The following BMP2K variants were observed in gnomAD, a reference collection of about 807,000 sequenced individuals.
The protein encoded by BMP2K is BMP2 inducible kinase.
Under a neutral mutation model 116.0 loss-of-function variants are expected in BMP2K, and 74 were observed. The observed-to-expected ratio is 0.64, with a 90% CI of 0.53 to 0.77. BMP2K has a LOEUF of 0.77. Among genes scored for constraint, BMP2K ranks in the 30% least tolerant of loss-of-function variants. The pLI, the probability that BMP2K is intolerant of heterozygous loss-of-function variation, is 0.00. For synonymous variants in BMP2K, 486 were observed against 502.5 expected, an observed-to-expected ratio of 0.97 and a Z score of 0.44; for missense variants, 1,365 against 1,403.6, an observed-to-expected ratio of 0.97 and a Z score of 0.44.
chr4:78,829,787 T>TCTCTTCTC (rs1730089748), intron 2 of BMP2K, among the ~76,000 whole-genome samples: 54 of 86,636 alleles, frequency 6.2e-4, no homozygotes, highest in South Asian at 1.4e-3. Flanking sequence ...TTTCTTTTCT[T>TCTCTTCTC]TTCTCTTCTC....
intron 1 of BMP2K, among the ~76,000 whole-genome samples, chr4:78,789,860 G>C (rs1409028953): frequency 1.3e-5 from 2 of 152,164 alleles, no homozygotes; most frequent in Non-Finnish European, 2.9e-5. Context: ...AGGGAGAAAG[G>C]TAAAAGAGAG....
At chr4:78,781,423 GA>G (rs1209400763) in intron 1 of BMP2K, among the ~76,000 whole-genome samples, 10 of 150,578 alleles carry the variant, frequency 6.6e-5, no homozygotes, top group Admixed American at 4.6e-4. Flanking sequence ...GGAAGGAACA[GA>G]TTTTTTTTTT....
At chr4:78,803,083 C>G (rs1347276524) in intron 1 of BMP2K, among the ~76,000 whole-genome samples, 8 of 152,064 alleles carry the variant, frequency 5.3e-5, no homozygotes, top group South Asian at 4.2e-4. Flanking sequence ...CTCCTGACCT[C>G]AAGTGATCCA....
chr4:78,897,128 A>G (rs1278370801), intron 15 of BMP2K, among the ~76,000 whole-genome samples: 1 of 152,120 alleles, frequency 6.6e-6, no homozygotes, highest in East Asian at 1.9e-4. Flanking sequence ...AAATTAGCAT[A>G]AGATATTGCT....
intron 2 of BMP2K, among the ~76,000 whole-genome samples, chr4:78,829,753 ATCTTTTCTTTTCTTTTCTTT>A (rs775196460): frequency 9.4e-4 from 115 of 122,074 alleles, no homozygotes; most frequent in African/African-American, 2.9e-3. Context: ...CATGGAAACA[ATCTTTTCTTTTCTTTTCTTT>A]TCTTTTCTTT....
chr4:78,838,077 A>G (rs1577914258), intron 3 of BMP2K, among the ~76,000 whole-genome samples: 1 of 152,242 alleles, frequency 6.6e-6, no homozygotes, highest in Non-Finnish European at 1.5e-5. Context: ...GTGGCTGGGG[A>G]AGCCTCACAA....
intron 15 of BMP2K, among the ~76,000 whole-genome samples, chr4:78,901,231 T>A (rs1432072258): frequency 3.6e-5 from 4 of 109,726 alleles, no homozygotes; most frequent in Admixed American, 3.2e-4. Context: ...TATTTTATTA[T>A]TTTTTTTTTT....
chr4:78,900,613 T>TA (rs1340684199), intron 15 of BMP2K, among the ~76,000 whole-genome samples: 1 of 152,250 alleles, frequency 6.6e-6, no homozygotes, highest in Admixed American at 6.5e-5. Flanking sequence ...TGGCCTACCT[T>TA]ACTTTGGCCA....
intron 13 of BMP2K, among the ~76,000 whole-genome samples, chr4:78,877,379 A>C (rs1732681948): frequency 6.6e-6 from 1 of 152,148 alleles, no homozygotes; most frequent in Admixed American, 6.6e-5. Context: ...TTATATTCTT[A>C]TTCTATAAGT....
intron 3 of BMP2K, among the ~76,000 whole-genome samples, chr4:78,840,469 G>A (rs906331353): frequency 3.3e-5 from 5 of 151,942 alleles, no homozygotes; most frequent in African/African-American, 1.2e-4. Context: ...TTTACCTCCT[G>A]TTTTTGCCTA....
intron 4 of BMP2K, 73 bp downstream of exon 4, chr4:78,842,600 A>C: frequency 7.2e-7 from 1 of 1,380,082 alleles, no homozygotes; most frequent in South Asian, 1.8e-5. Context: ...TTTTCATCTA[A>C]ATCAGTATAA....
rs575113524 is a variant in BMP2K, at chr4:78,836,927, G to A, written c.403+3240G>A. On this transcript the variant is annotated intron_variant, in intron 3 of 15. Coordinates refer to ENST00000502613, the MANE Select transcript of BMP2K (RefSeq NM_198892.2). ...TTTGAATCTTTCCTTTATCTACAAC[G>A]TATTGAAATTTCAAGATATACGTGC... Among the ~76,000 whole-genome samples, 10 of 152,128 alleles carry A rather than the reference G, an allele frequency of 6.6e-5. 1 individual carries two copies. The South Asian group carries it at 1.7e-3, about 25-fold the overall frequency.
At chr4:78,844,873 A>G in intron 4 of BMP2K, 55 bp from the exon 5 acceptor site, 1 of 1,478,722 alleles carries the variant, frequency 6.8e-7, no homozygotes. Flanking sequence ...AAAGATTGTA[A>G]AAAGTTAATT....
intron 1 of BMP2K, among the ~76,000 whole-genome samples, chr4:78,824,409 G>A (rs1194079500): frequency 6.6e-6 from 1 of 152,198 alleles, no homozygotes; most frequent in African/African-American, 2.4e-5. Context: ...GAGGAGCAGA[G>A]TTACAACTTA....
At chr4:78,839,877 C>T (rs959242240) in intron 3 of BMP2K, among the ~76,000 whole-genome samples, 2 of 152,102 alleles carry the variant, frequency 1.3e-5, no homozygotes, top group Non-Finnish European at 2.9e-5. Flanking sequence ...AGATTGTGCC[C>T]ACCCAGATTA....
intron 1 of BMP2K, among the ~76,000 whole-genome samples, chr4:78,811,998 A>T (rs1423617474): frequency 6.6e-6 from 1 of 152,050 alleles, no homozygotes; most frequent in Admixed American, 6.5e-5. Context: ...TTAAAGACAG[A>T]GTCTCGCTCT....
At chr4:78,908,055 T>TA (rs1389524437) in intron 15 of BMP2K, among the ~76,000 whole-genome samples, 4 of 152,230 alleles carry the variant, frequency 2.6e-5, no homozygotes, top group African/African-American at 9.6e-5. Context: ...ATATCATAAA[T>TA]ACGCTGTGTA....
chr4:78,806,671 A>C (rs777818210), intron 1 of BMP2K, among the ~76,000 whole-genome samples: 5 of 152,114 alleles, frequency 3.3e-5, no homozygotes, highest in Admixed American at 6.5e-5. Flanking sequence ...TGGTGAGAAA[A>C]GACATCCTTG....
rs114205163 is a variant in BMP2K at position 78,824,771 on chromosome 4, G to C, written c.179-1266G>C. Among the ~76,000 whole-genome samples the C allele has an allele frequency of 5.8e-3, 880 of 152,292 alleles. 12 individuals carry two copies. Among genetic ancestry groups the C allele is most frequent in the African/African-American group, 0.02 (835 of 41,558 alleles). ...CAAGTGACATACCATTTTAAAAAAA[G>C]TAATTGAGCTATAGCATATTCTGTG... is the stretch of plus-strand genomic sequence containing the variant. On this transcript the variant is annotated intron_variant, in intron 1 of 15. Coordinates refer to ENST00000502613, the MANE Select transcript of BMP2K (RefSeq NM_198892.2).
Sources: gnomAD v4.1 joint callset for allele counts (sites outside exome capture counted in the v4.1 genomes callset) on GRCh38, gnomAD v4.1.1 for gene constraint, MANE v1.5 for transcripts, NCBI Gene and HGNC (gene_info 2026-07-23, HGNC 2026-07-21) for gene names.